The following ENTHD1 variants were observed in gnomAD, a reference collection of about 807,000 sequenced individuals.
ENTHD1 encodes ENTH domain containing 1.
Under a neutral mutation model 39.1 loss-of-function variants are expected in ENTHD1, and 23 were observed. The ratio of observed to expected loss-of-function variants is 0.59; its 90% CI spans 0.42 to 0.83. ENTHD1 has a LOEUF of 0.83. ENTHD1 is among the 40% of genes least tolerant of loss of function. The pLI is 0.00. For missense variants in ENTHD1, 624 were observed against 705.4 expected, an observed-to-expected ratio of 0.88 and a Z score of 1.31; for synonymous variants, 230 against 258.2, an observed-to-expected ratio of 0.89 and a Z score of 1.05.
intron 5 of ENTHD1, among the ~76,000 whole-genome samples, chr22:39,811,408 G>T (rs1003217156): frequency 3.3e-5 from 5 of 152,180 alleles, no homozygotes; most frequent in African/African-American, 1.2e-4. Flanking sequence ...GAGGCAGACA[G>T]GTGATCAATG....
intron 6 of ENTHD1, among the ~76,000 whole-genome samples, chr22:39,749,299 A>C (rs940603731): frequency 2.6e-5 from 4 of 152,250 alleles, no homozygotes; most frequent in Non-Finnish European, 5.9e-5. Context: ...GAAATAAGCT[A>C]CAATAAATCG....
At chr22:39,755,246 G>A (rs1027333612) in intron 6 of ENTHD1, among the ~76,000 whole-genome samples, 1 of 152,184 alleles carries the variant, frequency 6.6e-6, no homozygotes, top group Admixed American at 6.5e-5. Context: ...TGGTTAGGGG[G>A]ATTTGAAATA....
Position 39,765,337 on chromosome 22 carries a change from G to A in ENTHD1, c.1105C>T (p.Pro369Ser), listed in dbSNP as rs2065267710. 1 of 1,591,774 alleles carries A rather than the reference G, an allele frequency of 6.3e-7. No individual in the cohort carries two copies. The highest frequency in any genetic ancestry group is 8.6e-7 in the Non-Finnish European group (1 of 1,160,202). ...QASVETLCLSPSFKIFDRVKE... is the reference protein window; with the variant it reads ...QASVETLCLSSSFKIFDRVKE... ...ACTCGGTCAAATATTTTGAATGAGG[G>A]AGAGAGACAGAGTGTTTCTACAGAG... Residue 369 changes from proline (P) to serine (S), a missense_variant, in exon 6 of 7, where the codon CCC (proline) becomes TCC (serine). Physicochemically the swap from Pro to Ser is moderately conservative, Grantham distance 74. Transcript: ENST00000325157.
chr22:39,830,356 C>A (rs902885513), intron 4 of ENTHD1, among the ~76,000 whole-genome samples: 5 of 152,080 alleles, frequency 3.3e-5, no homozygotes, highest in Admixed American at 1.3e-4. Context: ...ATTACAGGTG[C>A]GAGCCACTGT....
chr22:39,869,769 AT>A, intron 2 of ENTHD1, among the ~76,000 whole-genome samples: 1 of 152,080 alleles, frequency 6.6e-6, no homozygotes, highest in Non-Finnish European at 1.5e-5. Flanking sequence ...AAATAAAGAG[AT>A]TAATACATGA....
At chr22:39,833,218 A>G (rs1218699408) in intron 4 of ENTHD1, among the ~76,000 whole-genome samples, 9 of 151,842 alleles carry the variant, frequency 5.9e-5, no homozygotes, top group East Asian at 1.9e-4. Context: ...GGGAAGAAAT[A>G]CTCTTCACTC....
intron 4 of ENTHD1, among the ~76,000 whole-genome samples, chr22:39,821,464 A>G (rs1010103275): frequency 1.3e-5 from 2 of 152,216 alleles, no homozygotes; most frequent in Non-Finnish European, 2.9e-5. Flanking sequence ...TCTTTTATTC[A>G]TATTTAAAAC....
intron 5 of ENTHD1, among the ~76,000 whole-genome samples, chr22:39,814,908 A>G (rs2065721844): frequency 6.6e-6 from 1 of 152,248 alleles, no homozygotes; most frequent in African/African-American, 2.4e-5. Flanking sequence ...AATCTACCTC[A>G]TTAAAATTCA....
intron 4 of ENTHD1, among the ~76,000 whole-genome samples, chr22:39,824,213 T>A (rs1309769834): frequency 1.5e-5 from 2 of 136,222 alleles, no homozygotes; most frequent in Non-Finnish European, 3.2e-5. Context: ...TTTTTTTTTT[T>A]TTTTTTTTTT....
chr22:39,845,039 T>C lies in ENTHD1; in HGVS notation c.593-9081A>G, dbSNP rs193195782. On this transcript the variant is annotated intron_variant, in intron 3 of 6. Transcript: ENST00000325157. ...CAGGTATTCTAAAGAAGACCATACATGGCCTCAGCTGAGATCTGCTACAGA... is the reference window on the plus strand; with the variant it reads ...CAGGTATTCTAAAGAAGACCATACACGGCCTCAGCTGAGATCTGCTACAGA... Among the ~76,000 whole-genome samples the C allele has an allele frequency of 1.9e-4, 28 of 148,842 alleles. No homozygotes were observed. The East Asian group carries it at 5.3e-3, about 28-fold the overall frequency.
At chr22:39,830,094 G>A (rs2065856999) in intron 4 of ENTHD1, among the ~76,000 whole-genome samples, 2 of 152,112 alleles carry the variant, frequency 1.3e-5, no homozygotes, top group African/African-American at 4.8e-5. Flanking sequence ...ACACACACCT[G>A]AGATGGAGTC....
chr22:39,837,191 A>G (rs2146679096), intron 3 of ENTHD1, among the ~76,000 whole-genome samples: 1 of 152,324 alleles, frequency 6.6e-6, no homozygotes, highest in East Asian at 1.9e-4. Context: ...GGCACAATAA[A>G]AAGTATAAGA....
In ENTHD1 at chr22:39,743,685, C is replaced by A; in HGVS notation, c.1818G>T (p.Gln606His). Residue 606 changes from glutamine to histidine, a missense_variant, in exon 7 of 7, where the codon CAG (glutamine) becomes CAT (histidine). Transcript: ENST00000325157. ...AAAATAGATATTGTGATGATTAGAT[C>A]TGATCTGAGCTCCCCTCAGAAGACT... Reference protein sequence around the residue: ...VPQSSEGSSDQI With the variant: ...VPQSSEGSSDHI The A allele has an allele frequency of 6.2e-7, 1 of 1,602,034 alleles. No homozygotes were observed. The highest frequency in any genetic ancestry group is 8.5e-7 in the Non-Finnish European group (1 of 1,174,342).
At chr22:39,807,196 C>T (rs2065648977) in intron 5 of ENTHD1, among the ~76,000 whole-genome samples, 1 of 152,212 alleles carries the variant, frequency 6.6e-6, no homozygotes, top group East Asian at 1.9e-4. Context: ...CCTTTCTTTA[C>T]AATGCATTCA....
chr22:39,751,832 G>C (rs1053059054), intron 6 of ENTHD1, among the ~76,000 whole-genome samples: 1 of 152,100 alleles, frequency 6.6e-6, no homozygotes, highest in African/African-American at 2.4e-5. Flanking sequence ...AAAGAATCTT[G>C]ACAAGTTTTG....
intron 6 of ENTHD1, 91 bp from the exon 7 acceptor site, chr22:39,744,374 G>A: frequency 2.5e-6 from 3 of 1,218,194 alleles, no homozygotes; most frequent in Non-Finnish European, 3.4e-6. Context: ...AGCCTATCTG[G>A]AAGGGCTCAA....
At chr22:39,811,172 A>T (rs954812766) in intron 5 of ENTHD1, among the ~76,000 whole-genome samples, 1 of 152,246 alleles carries the variant, frequency 6.6e-6, no homozygotes, top group African/African-American at 2.4e-5. Context: ...AAAGTCAGAG[A>T]CATGTTATTG....
rs760433786 is a variant in ENTHD1 at position 39,743,968 on chromosome 22, T to C, written c.1535A>G (p.His512Arg). The C allele has an allele frequency of 6.2e-7, 1 of 1,614,148 alleles. No homozygotes were observed. Among genetic ancestry groups the C allele is most frequent in the Non-Finnish European group, 8.5e-7 (1 of 1,180,008 alleles). ...KKNISHISSS[H>R]WGEFSTQNVD... ...ATTTTGGGTGGAAAACTCCCCCCAG[T>C]GACTACTAGAAATGTGACTTATATT... Residue 512 changes from histidine to arginine, a missense_variant, in exon 7 of 7, where the codon CAC becomes CGC. By Grantham distance (29) the His-to-Arg change is conservative. Transcript: ENST00000325157.
chr22:39,889,005 T>C (rs933858983), intron 1 of ENTHD1, among the ~76,000 whole-genome samples: 1 of 152,210 alleles, frequency 6.6e-6, no homozygotes, highest in Non-Finnish European at 1.5e-5. Context: ...TCTGCTTTCT[T>C]GCTAAACCTA....
Sources: gnomAD v4.1 joint callset for allele counts (sites outside exome capture counted in the v4.1 genomes callset) on GRCh38, gnomAD v4.1.1 for gene constraint, MANE v1.5 for transcripts, NCBI Gene and HGNC (gene_info 2026-07-23, HGNC 2026-07-21) for gene names.